Variants in ZNF592 observed in about 807,000 individuals in gnomAD.
ZNF592 encodes zinc finger protein 592, also known as spinocerebellar ataxia, autosomal recessive 5.
In ZNF592, 11 loss-of-function variants were observed where a neutral mutation model predicts 80.3. That is an observed-to-expected ratio of 0.14 (90% confidence interval 0.09 to 0.23). ZNF592 has a LOEUF of 0.23. Among genes scored for constraint, ZNF592 ranks in the 10% least tolerant of loss-of-function variants. ZNF592 has a pLI of 1.00. For missense variants in ZNF592, 1,420 were observed against 1,633.9 expected (o/e 0.87, Z 2.26); for synonymous variants, 646 against 640.3 (o/e 1.01, Z -0.13).
Position 84,795,155 on chromosome 15 carries a change from T to C in ZNF592, c.2400-2714T>C, listed in dbSNP as rs528290978. Among the ~76,000 whole-genome samples, 138 of 151,904 alleles carry C rather than the reference T, an allele frequency of 9.1e-4. 1 individual carries two copies. The highest frequency in any genetic ancestry group is 3.3e-3 in the African/African-American group (135 of 41,504). ...ATATATTTCAGAATTTCATAAATTA[T>C]TCTGTTCTTTATTAATAATTTGGAG... On this transcript the variant is annotated intron_variant, in intron 5 of 10. Coordinates refer to ENST00000560079, the MANE Select transcript of ZNF592 (RefSeq NM_014630.3).
intron 1 of ZNF592, among the ~76,000 whole-genome samples, chr15:84,761,127 C>T (rs1899338052): frequency 6.6e-6 from 1 of 152,104 alleles, no homozygotes; most frequent in Non-Finnish European, 1.5e-5. Flanking sequence ...CCACACCTGG[C>T]TAATTTTTTT....
intron 1 of ZNF592, among the ~76,000 whole-genome samples, chr15:84,759,961 C>CA (rs960157965): frequency 1.0e-4 from 5 of 48,402 alleles, no homozygotes; most frequent in Non-Finnish European, 1.8e-4. Context: ...GATTCCCCCC[C>CA]CCCCCACCCT....
chr15:84,796,256 A>ATTTTT (rs1962909552), intron 5 of ZNF592, among the ~76,000 whole-genome samples: 2 of 24,838 alleles, frequency 8.1e-5, no homozygotes, highest in African/African-American at 3.9e-4. Flanking sequence ...ATATATATAT[A>ATTTTT]TATATATATT....
intron 5 of ZNF592, among the ~76,000 whole-genome samples, chr15:84,796,267 T>TTTA (rs1962913777): frequency 4.5e-5 from 2 of 44,238 alleles, no homozygotes; most frequent in Non-Finnish European, 6.7e-5. Context: ...TATATATATT[T>TTTA]TATATATATA....
intron 1 of ZNF592, among the ~76,000 whole-genome samples, chr15:84,750,574 G>A (rs1596100915): frequency 6.6e-6 from 1 of 152,162 alleles, no homozygotes; most frequent in East Asian, 1.9e-4. Context: ...ACGGTGGCCT[G>A]GGAAGGCTTC....
intron 4 of ZNF592, among the ~76,000 whole-genome samples, chr15:84,785,979 A>G (rs917341489): frequency 6.6e-6 from 1 of 152,026 alleles, no homozygotes; most frequent in Non-Finnish European, 1.5e-5. Flanking sequence ...GGTTCTCTTC[A>G]TGACATAGCC....
At chr15:84,753,861 TCC>T (rs1899085623) in intron 1 of ZNF592, among the ~76,000 whole-genome samples, 3 of 152,250 alleles carry the variant, frequency 2.0e-5, no homozygotes, top group Admixed American at 6.5e-5. Context: ...ATGTTTGATG[TCC>T]TTGAGGTAGA....
At chr15:84,777,232 T>C (rs1962280799) in intron 2 of ZNF592, among the ~76,000 whole-genome samples, 1 of 151,814 alleles carries the variant, frequency 6.6e-6, no homozygotes. Context: ...ATCCCAGCAC[T>C]TTGGGAGGCT....
chr15:84,801,734 C>T, intron 10 of ZNF592, 129 bp from the exon 11 acceptor site: 1 of 1,321,872 alleles, frequency 7.6e-7, no homozygotes, highest in Non-Finnish European at 1.1e-6. Context: ...CAAACGTAAA[C>T]CAGCGTTCAG....
At chr15:84,777,902 G>A (rs914593406) in intron 2 of ZNF592, among the ~76,000 whole-genome samples, 9 of 151,870 alleles carry the variant, frequency 5.9e-5, no homozygotes, top group Non-Finnish European at 8.8e-5. Context: ...GGGTTTCACC[G>A]TGTTAGCCAG....
chr15:84,754,508 G>A (rs1047271357), intron 1 of ZNF592: 2 of 152,162 alleles, frequency 1.3e-5, no homozygotes, highest in Non-Finnish European at 2.9e-5. Context: ...GTTGCAGTGA[G>A]CCAAGATTGT....
At chr15:84,781,861 A>G (rs1375221341) in intron 3 of ZNF592, among the ~76,000 whole-genome samples, 1 of 152,208 alleles carries the variant, frequency 6.6e-6, no homozygotes, top group East Asian at 1.9e-4. Flanking sequence ...CTGCTTTCCC[A>G]GATCATGAAG....
chr15:84,794,234 A>G (rs1333765360), intron 5 of ZNF592, among the ~76,000 whole-genome samples: 1 of 152,200 alleles, frequency 6.6e-6, no homozygotes, highest in Non-Finnish European at 1.5e-5. Flanking sequence ...CAAACTTAAA[A>G]TATAATTTTA....
At chr15:84,776,505 C>T (rs151112318) in intron 2 of ZNF592, among the ~76,000 whole-genome samples, 1 of 152,176 alleles carries the variant, frequency 6.6e-6, no homozygotes, top group Non-Finnish European at 1.5e-5. Flanking sequence ...CCTGTAACCC[C>T]AGCACTTTGG....
At chr15:84,796,239 A>AATAT (rs1285421952) in intron 5 of ZNF592, among the ~76,000 whole-genome samples, 1 of 33,322 alleles carries the variant, frequency 3.0e-5, no homozygotes, top group Non-Finnish European at 4.8e-5. Context: ...AAAAAAAAAA[A>AATAT]ATATATATAT....
intron 1 of ZNF592, among the ~76,000 whole-genome samples, chr15:84,749,407 G>A (rs1188699782): frequency 6.6e-6 from 1 of 152,176 alleles, no homozygotes; most frequent in East Asian, 1.9e-4. Context: ...GGGTCCGTAT[G>A]ACCTTAGGTA....
At chr15:84,792,604 C>T (rs1962781198) in intron 5 of ZNF592, among the ~76,000 whole-genome samples, 1 of 152,106 alleles carries the variant, frequency 6.6e-6, no homozygotes, top group African/African-American at 2.4e-5. Flanking sequence ...GCATGCACTG[C>T]CATGCCTGGC....
At position 84,798,574 on chromosome 15, in the gene ZNF592, C is replaced by T. The variant is rs759718219; in HGVS notation, c.2737-14C>T. ...TCCCCTTGCCCAGTCAGTAATCGCT[C>T]TCCCCATCCCCAGAGCACCCACGGT... is the stretch of plus-strand genomic sequence containing the variant. On this transcript the variant is annotated splice_polypyrimidine_tract_variant and intron_variant, in intron 7 of 10. Transcript: ENST00000560079. The surrounding 1 kb of genome is among the most constrained non-coding windows in gnomAD (Gnocchi z 4.5). The T allele has an allele frequency of 1.2e-6, 2 of 1,614,100 alleles. No individual in the cohort carries two copies. The highest frequency in any genetic ancestry group is 1.7e-5 in the Admixed American group (1 of 60,028).
Position 84,802,530 on chromosome 15 carries a change from G to T in ZNF592, c.*137G>T, listed in dbSNP as rs1158957323. 5 of 1,038,220 alleles carry T rather than the reference G, an allele frequency of 4.8e-6. No individual in the cohort carries two copies. The East Asian group carries it at 1.3e-4, about 27-fold the overall frequency. The allele number at this position is 1,038,220 out of a possible 1,614,324, so 64.3% of individuals were successfully genotyped here. ...TACCCTGGAGTAGTGTCTGCCCTGA[G>T]CTGCCAGTGCTGGGTATCCCCCAGC... On this transcript the variant is annotated 3_prime_UTR_variant, in exon 11 of 11. Coordinates refer to ENST00000560079, the MANE Select transcript of ZNF592 (RefSeq NM_014630.3).
Sources: gnomAD v4.1 joint callset for allele counts (sites outside exome capture counted in the v4.1 genomes callset) on GRCh38, gnomAD v4.1.1 for gene constraint, Gnocchi (gnomAD v3.1) non-coding constraint, MANE v1.5 for transcripts, NCBI Gene and HGNC (gene_info 2026-07-23, HGNC 2026-07-21) for gene names.